Variants in BEND4 observed in about 807,000 individuals in gnomAD.
BEND4 encodes BEN domain containing 4, also known as BEN domain-containing protein 4.
Under a neutral mutation model 54.7 loss-of-function variants are expected in BEND4, and 27 were observed. The ratio of observed to expected loss-of-function variants is 0.49; its 90% CI spans 0.36 to 0.68. The LOEUF (loss-of-function observed/expected upper bound fraction) is 0.68, where lower values mean the gene tolerates loss of function less well. Among genes scored for constraint, BEND4 ranks in the 30% least tolerant of loss-of-function variants. BEND4 has a pLI of 0.00. For synonymous variants in BEND4, 327 were observed against 299.5 expected (o/e 1.09, Z -0.95); for missense variants, 702 against 697.2 (o/e 1.01, Z -0.08).
Position 42,113,793 on chromosome 4 carries a change from C to T in BEND4, c.*3725G>A, listed in dbSNP as rs17446061. ...ACAATGCAGAATACCCGATCACCCA[C>T]TAACTCTACAGCCGTGAAGTAGCTA... On this transcript the variant is annotated 3_prime_UTR_variant, in exon 6 of 6. Coordinates refer to ENST00000502486, the MANE Select transcript of BEND4 (RefSeq NM_207406.4). 11,803 of 152,286 alleles carry T rather than the reference C, an allele frequency of 0.078. 642 individuals are homozygous for T. Among genetic ancestry groups the T allele is most frequent in the African/African-American group, 0.15 (6,141 of 41,534 alleles). 9.4% of individuals were successfully genotyped at this position (152,286 alleles called of 1,614,324 possible).
chr4:42,151,926 C>G lies in BEND4; in HGVS notation c.218G>C (p.Ser73Thr). The change falls in exon 2 of 6, where the codon AGC becomes ACC. Residue 73 changes from serine to threonine, a missense_variant. By Grantham distance (58) the Ser-to-Thr change is moderately conservative. Coordinates refer to ENST00000502486, the MANE Select transcript of BEND4 (RefSeq NM_207406.4). ...APHAAVSISS[S>T]EPPPQQFQAQ... is the part of the protein sequence containing the mutation. Reference sequence around the variant, plus strand: ...CTGGAACTGCTGCGGCGGCGGCTCGCTGCTGCTGATGGAGACGGCGGCGTG... The same window carrying G: ...CTGGAACTGCTGCGGCGGCGGCTCGGTGCTGCTGATGGAGACGGCGGCGTG... 3 of 1,255,164 alleles carry G rather than the reference C, an allele frequency of 2.4e-6. No homozygotes were observed. Among genetic ancestry groups the G allele is most frequent in the Non-Finnish European group, 3.0e-6 (3 of 1,000,834 alleles). 77.8% of individuals were successfully genotyped at this position (1,255,164 alleles called of 1,614,324 possible).
At chr4:42,143,364 G>T in intron 3 of BEND4, 64 bp downstream of exon 3, 3 of 1,333,748 alleles carry the variant, frequency 2.2e-6, no homozygotes, top group African/African-American at 1.5e-5. Flanking sequence ...GAAATACACA[G>T]ACAGATGAGA....
At chr4:42,145,489 C>T (rs996062965) in intron 2 of BEND4, among the ~76,000 whole-genome samples, 4 of 151,960 alleles carry the variant, frequency 2.6e-5, no homozygotes, top group Non-Finnish European at 1.5e-5. Context: ...GGTGGGAGAT[C>T]GAGACCATCC....
At chr4:42,136,931 A>G (rs1183525967) in intron 3 of BEND4, among the ~76,000 whole-genome samples, 1 of 152,256 alleles carries the variant, frequency 6.6e-6, no homozygotes, top group Admixed American at 6.5e-5. Context: ...AACTGTTGTG[A>G]GCAGAGGCTC....
Position 42,151,805 on chromosome 4 carries a change from C to G in BEND4, c.339G>C (p.Leu113Phe). 5 of 1,479,536 alleles carry G rather than the reference C, an allele frequency of 3.4e-6. No individual in the cohort carries two copies. The highest frequency in any genetic ancestry group is 4.4e-6 in the Non-Finnish European group (5 of 1,123,834). The allele number at this position is 1,479,536 out of a possible 1,614,324, so 91.7% of individuals were successfully genotyped here. Residue 113 changes from leucine to phenylalanine, a missense_variant, in exon 2 of 6, where the codon TTG becomes TTC. Leu to Phe is a conservative substitution (Grantham distance 22, BLOSUM62 0). Coordinates refer to ENST00000502486, the MANE Select transcript of BEND4 (RefSeq NM_207406.4). Reference sequence around the variant, plus strand: ...CGGGCGGCGGCTGCGCCGGAGTCCTCAAGTGGCCCTGGGATGTGGCGGGCG... The same window carrying G: ...CGGGCGGCGGCTGCGCCGGAGTCCTGAAGTGGCCCTGGGATGTGGCGGGCG... ...SCTPATSQGH[L>F]RTPAQPPPAS...
intron 2 of BEND4, among the ~76,000 whole-genome samples, chr4:42,148,572 T>C: frequency 6.6e-6 from 1 of 152,216 alleles, no homozygotes; most frequent in East Asian, 1.9e-4. Flanking sequence ...GCTTTTAATG[T>C]CCAAAAGAAT....
intron 2 of BEND4, among the ~76,000 whole-genome samples, chr4:42,149,327 T>C (rs1441979058): frequency 2.0e-5 from 3 of 152,164 alleles, no homozygotes; most frequent in African/African-American, 4.8e-5. Context: ...GCCACTCACA[T>C]CACTGTGCCT....
intron 3 of BEND4, among the ~76,000 whole-genome samples, chr4:42,139,300 C>A (rs957440832): frequency 1.3e-5 from 2 of 152,162 alleles, no homozygotes; most frequent in African/African-American, 4.8e-5. Context: ...CCTACACCTG[C>A]AACTGACTCT....
At chr4:42,134,245 A>G (rs1220041850) in intron 3 of BEND4, among the ~76,000 whole-genome samples, 1 of 152,188 alleles carries the variant, frequency 6.6e-6, no homozygotes, top group Non-Finnish European at 1.5e-5. Flanking sequence ...CTTGCTATGT[A>G]GTTGTTTTCA....
intron 3 of BEND4, among the ~76,000 whole-genome samples, chr4:42,126,646 A>G (rs1012326939): frequency 1.3e-5 from 2 of 152,238 alleles, no homozygotes; most frequent in African/African-American, 2.4e-5. Context: ...GTACCACTAC[A>G]TAAATAATGC....
chr4:42,152,651 G>A lies in BEND4; in HGVS notation c.-353C>T, dbSNP rs1414860547. 1 of 154,250 alleles carries A rather than the reference G, an allele frequency of 6.5e-6. No homozygotes were observed. Among genetic ancestry groups the A allele is most frequent in the Non-Finnish European group, 1.5e-5 (1 of 68,432 alleles). 9.6% of individuals were successfully genotyped at this position (154,250 alleles called of 1,614,324 possible). ...CGGCTGCGGGCGGGGTCCGGCTTCC[G>A]AAACGAGCTCGTGGCGCCCCCTGCA... On this transcript the variant is annotated 5_prime_UTR_variant, in exon 1 of 6. Transcript: ENST00000502486.
chr4:42,139,547 C>T (rs1243921027), intron 3 of BEND4, among the ~76,000 whole-genome samples: 1 of 149,858 alleles, frequency 6.7e-6, no homozygotes, highest in Non-Finnish European at 1.5e-5. Context: ...TTATTTTTAA[C>T]TCTCATTTCA....
rs1371839397 is a variant in BEND4 at position 42,111,352 on chromosome 4, C to T, written c.*6166G>A. 6.6e-6 allele frequency: 1 copy of T among 152,310 alleles called. No homozygotes were observed. Among genetic ancestry groups the T allele is most frequent in the East Asian group, 1.9e-4 (1 of 5,184 alleles). 9.4% of individuals were successfully genotyped at this position (152,310 alleles called of 1,614,324 possible). A position where few individuals can be genotyped will look rare whatever the true frequency, so the allele number is the denominator to read the frequency against. On this transcript the variant is annotated 3_prime_UTR_variant, in exon 6 of 6. Transcript: ENST00000502486. The stretch of plus-strand genomic sequence containing the variant: ...CAATGGATTTGTCACAGTTTCTCCA[C>T]AAGTATTCATCATAGAAAATAGAGT...
intron 4 of BEND4, among the ~76,000 whole-genome samples, chr4:42,121,171 C>G (rs1215993836): frequency 6.6e-6 from 1 of 152,132 alleles, no homozygotes; most frequent in Admixed American, 6.5e-5. Context: ...AAAACTCATT[C>G]ATTTTACAAC....
At chr4:42,143,147 T>C (rs574857318) in intron 3 of BEND4, among the ~76,000 whole-genome samples, 1 of 152,316 alleles carries the variant, frequency 6.6e-6, no homozygotes, top group East Asian at 1.9e-4. Flanking sequence ...GACACACCTT[T>C]TAATAGGACT....
intron 4 of BEND4, among the ~76,000 whole-genome samples, chr4:42,123,708 A>AAAAAAAAAAC (rs1560576063): frequency 1.3e-4 from 19 of 151,384 alleles, no homozygotes; most frequent in African/African-American, 4.1e-4. Context: ...AAAAAAAAAA[A>AAAAAAAAAAC]AAAAAAAAAC....
intron 3 of BEND4, among the ~76,000 whole-genome samples, chr4:42,128,710 G>A (rs1334066827): frequency 6.6e-6 from 1 of 151,982 alleles, no homozygotes; most frequent in Non-Finnish European, 1.5e-5. Flanking sequence ...GCCGGGTGCG[G>A]TGGCTCATGC....
In BEND4 at chr4:42,111,071, CTT is replaced by C. The variant is rs1275362176; in HGVS notation, c.*6445_*6446del. 6.6e-6 allele frequency: 1 copy of C among 152,098 alleles called. No homozygotes were observed. The highest frequency in any genetic ancestry group is 2.1e-4 in the South Asian group (1 of 4,828). 9.4% of individuals were successfully genotyped at this position (152,098 alleles called of 1,614,324 possible). On this transcript the variant is annotated 3_prime_UTR_variant, in exon 6 of 6. Transcript: ENST00000502486. ...TAATTGGCTCTAGTAACAAATGTCT[CTT>C]ATAATTAAAAATATTGAATGTTTAA...
At chr4:42,151,564 G>T in intron 2 of BEND4, 93 bp downstream of exon 2, 1 of 1,304,864 alleles carries the variant, frequency 7.7e-7, no homozygotes, top group Non-Finnish European at 9.9e-7. Context: ...CCCAGCACGG[G>T]TAAGTGTCGG....
Sources: gnomAD v4.1 joint callset for allele counts (sites outside exome capture counted in the v4.1 genomes callset) on GRCh38, gnomAD v4.1.1 for gene constraint, MANE v1.5 for transcripts, NCBI Gene and HGNC (gene_info 2026-07-23, HGNC 2026-07-21) for gene names.